Variants in PCDH17 observed in about 807,000 individuals in gnomAD.
PCDH17 encodes protocadherin 17.
A neutral mutation model predicts 67.7 loss-of-function variants in PCDH17; 21 were observed. That is an observed-to-expected ratio of 0.31 (90% CI 0.22 to 0.45). The LOEUF (loss-of-function observed/expected upper bound fraction) is 0.45. Ranked by LOEUF, PCDH17 falls within the 20% of genes least tolerant of loss-of-function variation. PCDH17 has a pLI of 1.00. For missense variants in PCDH17, 1,471 were observed against 1,564.8 expected (o/e 0.94, Z 1.01); for synonymous variants, 701 against 656.7 (o/e 1.07, Z -1.03).
intron 3 of PCDH17, among the ~76,000 whole-genome samples, chr13:57,722,632 T>C (rs953014745): frequency 2.0e-5 from 3 of 152,210 alleles, no homozygotes; most frequent in Admixed American, 6.5e-5. Context: ...CTTATTTATT[T>C]TGAGACAGGG....
At chr13:57,687,514 A>T (rs901285318) in intron 3 of PCDH17, among the ~76,000 whole-genome samples, 1 of 152,014 alleles carries the variant, frequency 6.6e-6, no homozygotes, top group Admixed American at 6.6e-5. Flanking sequence ...CTGGCTCTTG[A>T]GGTTCATTCT....
rs1954780068 is a variant in PCDH17, at chr13:57,634,117, A to G, written c.1571A>G (p.Tyr524Cys). 5 of 1,613,440 alleles carry G rather than the reference A, an allele frequency of 3.1e-6. No individual in the cohort carries two copies. Among genetic ancestry groups the G allele is most frequent in the Middle Eastern group, 1.6e-4 (1 of 6,062 alleles). The change falls in exon 1 of 4, where the codon TAT becomes TGT. Residue 524 changes from tyrosine (Y) to cysteine (C), a missense_variant. Around this residue, in one of 3 missense-constraint regions of PCDH17, gnomAD observed 1,163 missense variants for 1,230.0 expected, o/e 0.95. Coordinates refer to ENST00000377918, the MANE Select transcript of PCDH17 (RefSeq NM_001040429.3). This position sits in a 1 kb window ranked among gnomAD's most constrained non-coding sequence, Gnocchi z 7.8. ...SHIGDVSIYT[Y>C]VSVNPTNGAI... Reference sequence around the variant, plus strand: ...ATCGGCGACGTGTCTATCTACACCTATGTGTCTGTGAATCCCACGAACGGG... The same window carrying G: ...ATCGGCGACGTGTCTATCTACACCTGTGTGTCTGTGAATCCCACGAACGGG...
At chr13:57,665,289 C>G (rs949675303) in intron 1 of PCDH17, among the ~76,000 whole-genome samples, 1 of 151,920 alleles carries the variant, frequency 6.6e-6, no homozygotes, top group Non-Finnish European at 1.5e-5. Flanking sequence ...TATTACTTAT[C>G]AATACTTTAA....
At chr13:57,690,741 A>G (rs1231175808) in intron 3 of PCDH17, among the ~76,000 whole-genome samples, 1 of 151,536 alleles carries the variant, frequency 6.6e-6, no homozygotes, top group Admixed American at 6.6e-5. Context: ...ACAATGCATA[A>G]TCCATAAATA....
At position 57,634,378 on chromosome 13, in the gene PCDH17, G is replaced by T; in HGVS notation, c.1832G>T (p.Arg611Leu). ...CTGGGCTATCTGGTGAGCACTGTGC[G>T]CGCCCTAGACAGCGACTTCGGCGAG... is the stretch of plus-strand genomic sequence containing the variant. Reference protein sequence around the residue: ...AGLGYLVSTVRALDSDFGESG... With the variant: ...AGLGYLVSTVLALDSDFGESG... Residue 611 changes from arginine to leucine, a missense_variant, in exon 1 of 4, where the codon CGC becomes CTC. By Grantham distance (102) the Arg-to-Leu change is moderately radical (BLOSUM62 -2). This residue lies in a region of PCDH17 where 1,163 missense variants were observed against 1,230.0 expected (regional missense o/e 0.95). Transcript: ENST00000377918. The surrounding 1 kb of genome is among the most constrained non-coding windows in gnomAD (Gnocchi z 7.8). 1 of 1,612,486 alleles carries T rather than the reference G, an allele frequency of 6.2e-7. No homozygotes were observed.
chr13:57,665,245 A>G (rs989637879), intron 1 of PCDH17, among the ~76,000 whole-genome samples: 3 of 94,832 alleles, frequency 3.2e-5, no homozygotes, highest in African/African-American at 1.4e-4. Flanking sequence ...ATGATATCAA[A>G]TAAACTATCA....
At chr13:57,666,314 A>C (rs1955252737) in intron 1 of PCDH17, among the ~76,000 whole-genome samples, 154 bp from the exon 2 acceptor site, 1 of 152,172 alleles carries the variant, frequency 6.6e-6, no homozygotes, top group African/African-American at 2.4e-5. Flanking sequence ...ACATAATTAC[A>C]TGTCAGCAAT....
chr13:57,677,950 A>T (rs937265803), intron 3 of PCDH17, among the ~76,000 whole-genome samples: 1 of 151,746 alleles, frequency 6.6e-6, no homozygotes, highest in African/African-American at 2.4e-5. Context: ...AGGATATGTA[A>T]TTACAGTTAG....
chr13:57,642,058 A>G (rs550791584), intron 1 of PCDH17, among the ~76,000 whole-genome samples: 1 of 151,756 alleles, frequency 6.6e-6, no homozygotes, highest in East Asian at 1.9e-4. Context: ...TATTTTCTTT[A>G]TGTTTCTATT....
intron 3 of PCDH17, among the ~76,000 whole-genome samples, chr13:57,674,892 T>A (rs1035032919): frequency 6.6e-6 from 1 of 151,946 alleles, no homozygotes; most frequent in Non-Finnish European, 1.5e-5. Flanking sequence ...GAAGAAACCT[T>A]GAAATATAAC....
At position 57,726,160 on chromosome 13, in the gene PCDH17, T is replaced by A. The variant is rs573829465; in HGVS notation, c.*866T>A. On this transcript the variant is annotated 3_prime_UTR_variant, in exon 4 of 4. Transcript: ENST00000377918. ...AATAGTTACCATTGAGTGGTAAGAT[T>A]CAGAGAAAATTAACTTGATTAATAT... The A allele has an allele frequency of 6.5e-6, 1 of 152,740 alleles. No homozygotes were observed. Among genetic ancestry groups the A allele is most frequent in the East Asian group, 1.9e-4 (1 of 5,168 alleles). 9.5% of individuals were successfully genotyped at this position (152,740 alleles called of 1,614,324 possible).
intron 1 of PCDH17, among the ~76,000 whole-genome samples, chr13:57,658,640 G>A (rs17175693): frequency 0.12 from 17,834 of 152,164 alleles, 1,191 homozygotes; most frequent in Non-Finnish European, 0.16. Context: ...TGAGCTAAAT[G>A]TACATCTGTG....
chr13:57,684,474 T>G (rs1324999037), intron 3 of PCDH17, among the ~76,000 whole-genome samples: 1 of 151,886 alleles, frequency 6.6e-6, no homozygotes. Context: ...TGCCTGGAAA[T>G]TGTACCAGGT....
chr13:57,720,220 A>C (rs1955861399), intron 3 of PCDH17, among the ~76,000 whole-genome samples: 1 of 151,970 alleles, frequency 6.6e-6, no homozygotes, highest in Non-Finnish European at 1.5e-5. Context: ...AGAGAGAGAG[A>C]GCTTTCAGAT....
chr13:57,634,094 C>A lies in PCDH17; in HGVS notation c.1548C>A (p.Ile516=). 6.2e-7 allele frequency: 1 copy of A among 1,613,034 alleles called. No homozygotes were observed. The highest frequency in any genetic ancestry group is 2.2e-5 in the East Asian group (1 of 44,768). ...CCTACTCTATCCTGCCCTCGCACAT[C>A]GGCGACGTGTCTATCTACACCTATG... ...TVSYSILPSH[I]GDVSIYTYVS... is the part of the protein sequence containing the mutation. The change falls in exon 1 of 4, where the codon ATC becomes ATA. Residue 516 remains isoleucine, a synonymous_variant. Coordinates refer to ENST00000377918, the MANE Select transcript of PCDH17 (RefSeq NM_001040429.3). This position sits in a 1 kb window ranked among gnomAD's most constrained non-coding sequence, Gnocchi z 7.8.
At chr13:57,711,699 T>G (rs930744739) in intron 3 of PCDH17, among the ~76,000 whole-genome samples, 14 of 151,766 alleles carry the variant, frequency 9.2e-5, no homozygotes, top group African/African-American at 2.7e-4. Flanking sequence ...CTGAATGTAA[T>G]TTTGCATATA....
At chr13:57,641,173 C>T (rs1954888228) in intron 1 of PCDH17, among the ~76,000 whole-genome samples, 1 of 151,812 alleles carries the variant, frequency 6.6e-6, no homozygotes, top group Admixed American at 6.6e-5. Flanking sequence ...TGTCAACCTA[C>T]TTTAGTAAAG....
rs763971399 is a variant in PCDH17 at position 57,632,532 on chromosome 13, C to A, written c.-15C>A. On this transcript the variant is annotated 5_prime_UTR_variant, in exon 1 of 4. Transcript: ENST00000377918. ...TCCAGTCCGATTGCTCCTGCCCCCACCTTACAGGTCTGGGATGTACCTTTC... is the reference window on the plus strand; with the variant it reads ...TCCAGTCCGATTGCTCCTGCCCCCAACTTACAGGTCTGGGATGTACCTTTC... 6.2e-7 allele frequency: 1 copy of A among 1,609,462 alleles called. No homozygotes were observed. The highest frequency in any genetic ancestry group is 1.1e-5 in the South Asian group (1 of 90,502).
chr13:57,657,158 A>T (rs1955116076), intron 1 of PCDH17, among the ~76,000 whole-genome samples: 1 of 152,150 alleles, frequency 6.6e-6, no homozygotes, highest in African/African-American at 2.4e-5. Flanking sequence ...TTTGCAAGAG[A>T]TCTTAATATA....
Sources: gnomAD v4.1 joint callset for allele counts (sites outside exome capture counted in the v4.1 genomes callset) on GRCh38, gnomAD v4.1.1 for gene constraint, gnomAD v4.1.1 regional missense constraint, Gnocchi (gnomAD v3.1) non-coding constraint, MANE v1.5 for transcripts, NCBI Gene and HGNC (gene_info 2026-07-23, HGNC 2026-07-21) for gene names.